The following MAGI1 variants were observed in gnomAD, a reference collection of about 807,000 sequenced individuals.
MAGI1 encodes membrane-associated guanylate kinase, WW and PDZ domain-containing protein 1.
MAGI1 carries 58 observed loss-of-function variants against 139.9 expected under a neutral mutation model. The ratio of observed to expected loss-of-function variants is 0.41; its 90% CI spans 0.34 to 0.52. MAGI1 has a LOEUF of 0.52. MAGI1 is among the 20% of genes least tolerant of loss of function. MAGI1 has a pLI of 0.12. For missense variants in MAGI1, 1,874 were observed against 1,901.6 expected, an observed-to-expected ratio of 0.99 and a Z score of 0.27; for synonymous variants, 812 against 737.9, an observed-to-expected ratio of 1.10 and a Z score of -1.63.
chr3:65,499,661 C>A (rs549592186), intron 2 of MAGI1, among the ~76,000 whole-genome samples: 1 of 152,102 alleles, frequency 6.6e-6, no homozygotes, highest in Non-Finnish European at 1.5e-5. Flanking sequence ...ATGCAGTTAC[C>A]TGAAGGAATG....
intron 2 of MAGI1, among the ~76,000 whole-genome samples, chr3:65,508,312 G>C (rs1266984757): frequency 1.3e-5 from 2 of 152,064 alleles, no homozygotes; most frequent in Non-Finnish European, 2.9e-5. Flanking sequence ...GCTGAGGCAG[G>C]AGAATGGCGT....
intron 1 of MAGI1, among the ~76,000 whole-genome samples, chr3:65,831,131 A>G (rs1043347583): frequency 6.6e-6 from 1 of 152,180 alleles, no homozygotes; most frequent in Non-Finnish European, 1.5e-5. Context: ...GTCCCTAACA[A>G]TGACCTTTTT....
intron 1 of MAGI1, among the ~76,000 whole-genome samples, chr3:65,803,801 TG>T (rs1210907264): frequency 6.6e-6 from 1 of 152,188 alleles, no homozygotes; most frequent in African/African-American, 2.4e-5. Flanking sequence ...CATGCAGTAT[TG>T]GTGCTGGAGG....
intron 1 of MAGI1, among the ~76,000 whole-genome samples, chr3:65,792,801 G>A (rs1047869664): frequency 3.9e-5 from 6 of 152,044 alleles, no homozygotes; most frequent in Non-Finnish European, 8.8e-5. Context: ...GTTTATTTCT[G>A]AAAATTTCCA....
At chr3:65,707,016 C>T (rs1017158532) in intron 1 of MAGI1, among the ~76,000 whole-genome samples, 11 of 152,126 alleles carry the variant, frequency 7.2e-5, no homozygotes, top group Non-Finnish European at 1.3e-4. Flanking sequence ...ACCACCGTCT[C>T]GGCATGGCAG....
chr3:65,598,311 T>C (rs1488525067), intron 2 of MAGI1, among the ~76,000 whole-genome samples: 3 of 151,884 alleles, frequency 2.0e-5, no homozygotes, highest in Non-Finnish European at 2.9e-5. Flanking sequence ...CCCCTGGACA[T>C]GGAAAGGCGG....
intron 2 of MAGI1, among the ~76,000 whole-genome samples, chr3:65,607,858 C>T (rs532639184): frequency 6.6e-6 from 1 of 152,084 alleles, no homozygotes; most frequent in Admixed American, 6.5e-5. Flanking sequence ...TTTTGTACTA[C>T]AACTATAAAA....
chr3:65,840,815 G>T (rs551943369), intron 1 of MAGI1, among the ~76,000 whole-genome samples: 2 of 152,238 alleles, frequency 1.3e-5, no homozygotes, highest in South Asian at 4.1e-4. Context: ...AAGTGAGTTA[G>T]AATTATTTCC....
At chr3:65,694,144 C>T (rs57662001) in intron 1 of MAGI1, among the ~76,000 whole-genome samples, 43,044 of 151,994 alleles carry the variant, frequency 0.28, 6,202 homozygotes, top group East Asian at 0.43. Context: ...GATAACTAAC[C>T]AAACAAACAG....
At chr3:65,450,728 C>G (rs1178574239) in intron 6 of MAGI1, among the ~76,000 whole-genome samples, 1 of 152,148 alleles carries the variant, frequency 6.6e-6, no homozygotes, top group Non-Finnish European at 1.5e-5. Flanking sequence ...ATCAAAATCT[C>G]AAACCAGTTT....
At chr3:65,745,126 T>C (rs9861877) in intron 1 of MAGI1, among the ~76,000 whole-genome samples, 22,339 of 152,134 alleles carry the variant, frequency 0.15, 1,776 homozygotes, top group Middle Eastern at 0.25. Context: ...AAGTGATTTT[T>C]TGGAAAACTA....
chr3:65,592,784 C>T (rs932517326), intron 2 of MAGI1, among the ~76,000 whole-genome samples: 8 of 152,134 alleles, frequency 5.3e-5, no homozygotes, highest in Non-Finnish European at 1.2e-4. Context: ...CTGCAAGCAA[C>T]GAACCCAACT....
At position 65,756,425 on chromosome 3, in the gene MAGI1, A is replaced by G. The variant is rs140531589; in HGVS notation, c.314-134337T>C. Among the ~76,000 whole-genome samples, 1,359 of 152,300 alleles carry G rather than the reference A, an allele frequency of 8.9e-3. 16 individuals are homozygous for G. Among genetic ancestry groups the G allele is most frequent in the African/African-American group, 0.03 (1,266 of 41,568 alleles). On this transcript the variant is annotated intron_variant, in intron 1 of 22. Transcript: ENST00000402939. Reference sequence around the variant, plus strand: ...GTACTAGTAAATTTAGAACACTTTAAATAGCTCATAAAAACATGAGCAAAG... The same window carrying G: ...GTACTAGTAAATTTAGAACACTTTAGATAGCTCATAAAAACATGAGCAAAG...
chr3:65,416,995 ATT>A (rs1256798838), intron 12 of MAGI1, among the ~76,000 whole-genome samples: 1 of 152,192 alleles, frequency 6.6e-6, no homozygotes, highest in Non-Finnish European at 1.5e-5. Context: ...GTGTGATTTC[ATT>A]TGAGGGAAAT....
At chr3:65,795,650 TG>T (rs1240469320) in intron 1 of MAGI1, among the ~76,000 whole-genome samples, 1 of 148,706 alleles carries the variant, frequency 6.7e-6, no homozygotes, top group Non-Finnish European at 1.5e-5. Context: ...AAATGAAGCC[TG>T]CTCTATTTCG....
At chr3:65,561,826 A>G (rs1434975860) in intron 2 of MAGI1, among the ~76,000 whole-genome samples, 1 of 152,178 alleles carries the variant, frequency 6.6e-6, no homozygotes, top group East Asian at 1.9e-4. Context: ...TACGCAACTC[A>G]ACTCTAACAA....
chr3:65,423,539 A>G (rs1946789756), intron 12 of MAGI1, among the ~76,000 whole-genome samples: 1 of 152,214 alleles, frequency 6.6e-6, no homozygotes. Flanking sequence ...TTGCCCACAG[A>G]CTTCAGGCTT....
rs1004531656 is a variant in MAGI1, at chr3:65,704,468, A to G, written c.314-82380T>C. ...TCCCCAGGCTTCCTACGGGGTTTCT[A>G]GACATTACCACTTGCCAGGTTTCTC... On this transcript the variant is annotated intron_variant, in intron 1 of 22. Transcript: ENST00000402939. Among the ~76,000 whole-genome samples, 16 of 152,234 alleles carry G rather than the reference A, an allele frequency of 1.1e-4. No homozygotes were observed. The East Asian group carries it at 3.1e-3, about 30-fold the overall frequency.
At chr3:65,700,728 A>C in intron 1 of MAGI1, among the ~76,000 whole-genome samples, 1 of 152,220 alleles carries the variant, frequency 6.6e-6, no homozygotes, top group East Asian at 1.9e-4. Flanking sequence ...AACACGTCGT[A>C]TAAGAAACCC....
Sources: allele counts gnomAD v4.1 joint callset (sites outside exome capture counted in the v4.1 genomes callset), GRCh38; gene constraint gnomAD v4.1.1; transcripts MANE v1.5; gene names NCBI Gene and HGNC (gene_info 2026-07-23, HGNC 2026-07-21).